AIG1: variants seen among roughly 807,000 people sequenced by gnomAD.
AIG1 encodes the protein androgen-induced gene 1 protein.
A neutral mutation model predicts 31.4 loss-of-function variants in AIG1; 23 were observed. The observed-to-expected ratio is 0.73, with a 90% CI of 0.53 to 1.04. AIG1 has a LOEUF of 1.04. Among genes scored for constraint, AIG1 ranks in the 50% least tolerant of loss-of-function variants. The pLI, the probability that AIG1 is intolerant of heterozygous loss-of-function variation, is 0.00. For synonymous variants in AIG1, 100 were observed against 110.5 expected, an observed-to-expected ratio of 0.90 and a Z score of 0.60; for missense variants, 274 against 295.0, an observed-to-expected ratio of 0.93 and a Z score of 0.52.
chr6:143,162,346 A>T (rs151015243), intron 2 of AIG1, among the ~76,000 whole-genome samples: 202 of 152,348 alleles, frequency 1.3e-3, no homozygotes, highest in African/African-American at 4.7e-3. Flanking sequence ...CTCTCCCCAA[A>T]CAGTCACCAT....
intron 3 of AIG1, chr6:143,189,717 CCCT>C: frequency 1.0e-6 from 1 of 985,342 alleles, no homozygotes. Context: ...AACACAATTT[CCCT>C]CAAAACCCTC....
At chr6:143,196,223 A>G (rs1455472810) in intron 3 of AIG1, among the ~76,000 whole-genome samples, 1 of 152,208 alleles carries the variant, frequency 6.6e-6, no homozygotes, top group Non-Finnish European at 1.5e-5. Flanking sequence ...TCATAGGAGA[A>G]CTTGCAGAAA....
At chr6:143,075,456 A>T (rs1225914805) in intron 1 of AIG1, among the ~76,000 whole-genome samples, 1 of 151,874 alleles carries the variant, frequency 6.6e-6, no homozygotes, top group African/African-American at 2.4e-5. Context: ...GGCACACACC[A>T]CCATGCCCAG....
chr6:143,099,307 A>G (rs1780048697), intron 1 of AIG1, among the ~76,000 whole-genome samples: 1 of 152,224 alleles, frequency 6.6e-6, no homozygotes, highest in South Asian at 2.1e-4. Flanking sequence ...TCTAACTAAC[A>G]ATGTAGATAC....
In AIG1 at chr6:143,336,007, A is replaced by T. The variant is rs1321983930; in HGVS notation, c.679+2562A>T. Among the ~76,000 whole-genome samples, 4 of 151,834 alleles carry T rather than the reference A, an allele frequency of 2.6e-5. No homozygotes were observed. In the East Asian group the frequency reaches 5.8e-4, roughly 22 times the overall value. On this transcript the variant is annotated intron_variant, in intron 5 of 5. Transcript: ENST00000357847. ...ATTGAGTATCAGTTATCCACTTTAG[A>T]TGACTAACTTTCCCTCGTTCTCACC...
At chr6:143,178,155 T>A (rs536532885) in intron 3 of AIG1, among the ~76,000 whole-genome samples, 6 of 152,296 alleles carry the variant, frequency 3.9e-5, no homozygotes, top group Admixed American at 2.0e-4. Flanking sequence ...TGTATTAGAC[T>A]GCCTGTTTTC....
chr6:143,176,814 C>T (rs1240075723), intron 3 of AIG1, among the ~76,000 whole-genome samples: 1 of 152,280 alleles, frequency 6.6e-6, no homozygotes, highest in Non-Finnish European at 1.5e-5. Context: ...AGCCAACTCA[C>T]AGTTCCTCAG....
intron 3 of AIG1, among the ~76,000 whole-genome samples, chr6:143,185,283 G>GT (rs1424046780): frequency 6.6e-6 from 1 of 151,968 alleles, no homozygotes; most frequent in Non-Finnish European, 1.5e-5. Flanking sequence ...AAACTACCTG[G>GT]TCCTTGAGGG....
chr6:143,287,327 T>TC (rs1221074900), intron 4 of AIG1, among the ~76,000 whole-genome samples: 3 of 152,092 alleles, frequency 2.0e-5, no homozygotes, highest in African/African-American at 4.8e-5. Context: ...CTTATTTAGT[T>TC]CCCCAAACAG....
chr6:143,220,101 G>A (rs1254246822), intron 3 of AIG1, among the ~76,000 whole-genome samples: 1 of 151,956 alleles, frequency 6.6e-6, no homozygotes, highest in Non-Finnish European at 1.5e-5. Context: ...GGGGCAGGGG[G>A]CAGGGGGCAG....
At chr6:143,189,856 G>C (rs1789625512) in intron 3 of AIG1, 1 of 937,926 alleles carries the variant, frequency 1.1e-6, no homozygotes, top group African/African-American at 1.8e-5. Flanking sequence ...TAACAAAATA[G>C]CACAATTGGG....
At position 143,331,439 on chromosome 6, in the gene AIG1, T is replaced by C. The variant is rs886822735; in HGVS notation, c.516-1843T>C. ...AATTGCCTATTCTAGGTACCTCATA[T>C]AAGTGGAATCATATACAATATGTGA... On this transcript the variant is annotated intron_variant, in intron 4 of 5. Transcript: ENST00000357847. The surrounding 1 kb of genome is among the most constrained non-coding windows in gnomAD (Gnocchi z 4.1). Among the ~76,000 whole-genome samples the C allele has an allele frequency of 1.3e-5, 2 of 152,148 alleles. No homozygotes were observed. The highest frequency in any genetic ancestry group is 4.8e-5 in the African/African-American group (2 of 41,426).
intron 2 of AIG1, among the ~76,000 whole-genome samples, chr6:143,141,520 A>T (rs1469414632): frequency 6.6e-6 from 1 of 152,224 alleles, no homozygotes; most frequent in Non-Finnish European, 1.5e-5. Flanking sequence ...AGAAGAAATC[A>T]GGCAGGGTTG....
chr6:143,096,501 GT>G (rs1779810026), intron 1 of AIG1, among the ~76,000 whole-genome samples: 1 of 152,192 alleles, frequency 6.6e-6, no homozygotes, highest in Admixed American at 6.5e-5. Flanking sequence ...GAGTGACTAA[GT>G]TATTTTAAAG....
chr6:143,074,876 C>G (rs772757417), intron 1 of AIG1, among the ~76,000 whole-genome samples: 1 of 152,086 alleles, frequency 6.6e-6, no homozygotes, highest in Non-Finnish European at 1.5e-5. Context: ...TGGCCTCATT[C>G]CTCTTAAGTG....
chr6:143,192,863 A>G (rs2128598961), intron 3 of AIG1, among the ~76,000 whole-genome samples: 1 of 152,336 alleles, frequency 6.6e-6, no homozygotes, highest in South Asian at 2.1e-4. Context: ...ATGATGACAC[A>G]CAGAGGGTGG....
chr6:143,107,679 A>T (rs931620708), intron 1 of AIG1, among the ~76,000 whole-genome samples: 1 of 152,196 alleles, frequency 6.6e-6, no homozygotes, highest in Non-Finnish European at 1.5e-5. Flanking sequence ...ATGACACAGG[A>T]CAGGAAAGAG....
intron 5 of AIG1, among the ~76,000 whole-genome samples, chr6:143,336,919 A>AG (rs1240324445): frequency 6.6e-6 from 1 of 152,154 alleles, no homozygotes; most frequent in Admixed American, 6.5e-5. Flanking sequence ...GAGAAGTTGC[A>AG]GGGGGAAAAA....
At chr6:143,150,613 C>T (rs936398772) in intron 2 of AIG1, among the ~76,000 whole-genome samples, 13 of 152,180 alleles carry the variant, frequency 8.5e-5, no homozygotes, top group South Asian at 4.1e-4. Context: ...TCTGTCCTAT[C>T]GCAAGAAAAT....
Sources: allele counts gnomAD v4.1 joint callset (sites outside exome capture counted in the v4.1 genomes callset), GRCh38; gene constraint gnomAD v4.1.1; non-coding constraint Gnocchi (gnomAD v3.1); transcripts MANE v1.5; gene names NCBI Gene and HGNC (gene_info 2026-07-23, HGNC 2026-07-21).